The following USP47 variants were observed in gnomAD, a reference collection of about 807,000 sequenced individuals.
The protein encoded by USP47 is ubiquitin specific peptidase 47.
USP47 carries 35 observed loss-of-function variants against 165.1 expected under a neutral mutation model. The ratio of observed to expected loss-of-function variants is 0.21; its 90% CI spans 0.16 to 0.28. The LOEUF is 0.28. Among genes scored for constraint, USP47 ranks in the 10% least tolerant of loss-of-function variants. USP47 has a pLI of 1.00. For missense variants in USP47, 1,277 were observed against 1,607.4 expected (o/e 0.79, Z 3.52); for synonymous variants, 531 against 544.5 (o/e 0.98, Z 0.35).
At chr11:11,853,097 A>ATT (rs202004869) in intron 1 of USP47, among the ~76,000 whole-genome samples, 2 of 149,448 alleles carry the variant, frequency 1.3e-5, no homozygotes, top group Admixed American at 6.7e-5. Context: ...AGATACTGTA[A>ATT]TTTTTTTTTT....
chr11:11,929,597 G>T (rs1854502574), intron 12 of USP47, 32 bp downstream of exon 12: 1 of 1,605,028 alleles, frequency 6.2e-7, no homozygotes, highest in Admixed American at 1.7e-5. Context: ...TTATTACTCT[G>T]AAAGGTGGGA....
chr11:11,868,305 C>T (rs551267189), intron 1 of USP47, among the ~76,000 whole-genome samples: 87 of 152,286 alleles, frequency 5.7e-4, no homozygotes, highest in Middle Eastern at 3.4e-3. Context: ...TCCCTATTCC[C>T]TCTTTAATCC....
chr11:11,950,584 A>G (rs967870385), intron 24 of USP47, 102 bp downstream of exon 24: 22 of 806,916 alleles, frequency 2.7e-5, no homozygotes, highest in African/African-American at 3.5e-5. Flanking sequence ...GGAATCTAAT[A>G]TACATTATAG....
intron 24 of USP47, chr11:11,951,448 T>G (rs938129254): frequency 2.0e-5 from 3 of 152,116 alleles, no homozygotes; most frequent in African/African-American, 4.8e-5. Context: ...CACCTCCCAG[T>G]TTTCGTTATC....
At chr11:11,905,643 T>C (rs936812621) in intron 8 of USP47, 95 bp downstream of exon 8, 1 of 1,238,386 alleles carries the variant, frequency 8.1e-7, no homozygotes, top group Non-Finnish European at 1.1e-6. Context: ...TCATCCTAGA[T>C]ACACCTTCTT....
Position 11,893,549 on chromosome 11 carries a change from A to G in USP47, c.496+1443A>G, listed in dbSNP as rs556329841. Among the ~76,000 whole-genome samples, 5 of 152,056 alleles carry G rather than the reference A, an allele frequency of 3.3e-5. No individual in the cohort carries two copies. In the South Asian group the frequency reaches 8.3e-4, roughly 25 times the overall value. On this transcript the variant is annotated intron_variant, in intron 4 of 27. Transcript: ENST00000527733. The stretch of plus-strand genomic sequence containing the variant: ...ACTCCTAGGCTCAAGCGATCCTCCC[A>G]CCCCAGCCTCCCAAGTAGCTAGGAC...
At chr11:11,932,339 G>C (rs1016521540) in intron 14 of USP47, among the ~76,000 whole-genome samples, 1 of 152,086 alleles carries the variant, frequency 6.6e-6, no homozygotes. Context: ...ATTTGGGCGA[G>C]GACAGATGTC....
intron 5 of USP47, 23 bp from the exon 6 acceptor site, chr11:11,902,687 ATACTT>A (rs1852306841): frequency 7.2e-7 from 1 of 1,379,740 alleles, no homozygotes; most frequent in Non-Finnish European, 9.6e-7. Context: ...CATTTTATAA[ATACTT>A]TATTAACATT....
At chr11:11,932,075 GC>G (rs1854708431) in intron 14 of USP47, among the ~76,000 whole-genome samples, 2 of 152,280 alleles carry the variant, frequency 1.3e-5, no homozygotes, top group Non-Finnish European at 2.9e-5. Flanking sequence ...CATGATGCTA[GC>G]ATCTGCCCAG....
chr11:11,930,013 T>G, intron 12 of USP47, 31 bp from the exon 13 acceptor site: 1 of 1,586,614 alleles, frequency 6.3e-7, no homozygotes, highest in Non-Finnish European at 8.6e-7. Context: ...GTTATAGAAT[T>G]TGCAAAAAAA....
chr11:11,882,013 C>CAAAAA (rs1323835677), intron 2 of USP47, among the ~76,000 whole-genome samples: 6 of 152,088 alleles, frequency 3.9e-5, no homozygotes, highest in African/African-American at 1.2e-4. Flanking sequence ...GTTATTAGAA[C>CAAAAA]AGTATTCTAG....
At chr11:11,871,709 G>T (rs1327741428) in intron 1 of USP47, among the ~76,000 whole-genome samples, 2 of 151,994 alleles carry the variant, frequency 1.3e-5, no homozygotes, top group East Asian at 3.9e-4. Context: ...AGAGTGTCCA[G>T]CTTTCTTCTG....
rs1853719968 is a variant in USP47 at position 11,920,086 on chromosome 11, T to C, written c.970-70T>C. On this transcript the variant is annotated intron_variant, in intron 8 of 27. Transcript: ENST00000527733. ...CTTATAACTTTTAGTAATTACAGTCTTTTTTATTCAGGATTTTGTCATTAA... is the reference window on the plus strand; with the variant it reads ...CTTATAACTTTTAGTAATTACAGTCCTTTTTATTCAGGATTTTGTCATTAA... The C allele has an allele frequency of 5.0e-6, 6 of 1,200,092 alleles. No homozygotes were observed. The South Asian group carries it at 1.4e-4, about 27-fold the overall frequency. 74.3% of individuals were successfully genotyped at this position (1,200,092 alleles called of 1,614,324 possible).
chr11:11,921,483 A>T (rs1185240237), intron 10 of USP47, among the ~76,000 whole-genome samples: 1 of 151,834 alleles, frequency 6.6e-6, no homozygotes, highest in Non-Finnish European at 1.5e-5. Flanking sequence ...TTTGAGCCTC[A>T]TTTCCAGATG....
At chr11:11,880,910 T>C (rs1590289963) in intron 2 of USP47, among the ~76,000 whole-genome samples, 1 of 152,164 alleles carries the variant, frequency 6.6e-6, no homozygotes, top group Admixed American at 6.6e-5. Flanking sequence ...TGTATGAACA[T>C]GTGTAGCTTT....
rs995330385 is a variant in USP47 at position 11,909,312 on chromosome 11, G to A, written c.969+3764G>A. Among the ~76,000 whole-genome samples, 41 of 152,058 alleles carry A rather than the reference G, an allele frequency of 2.7e-4. 1 individual carries two copies. Among genetic ancestry groups the A allele is most frequent in the Admixed American group, 2.5e-3 (38 of 15,270 alleles). On this transcript the variant is annotated intron_variant, in intron 8 of 27. Transcript: ENST00000527733. ...TTTGCTCTTAATGACTTATTAGATA[G>A]TTAGAACCTTCTATGTTCACTGACT... is the stretch of plus-strand genomic sequence containing the variant.
intron 19 of USP47, among the ~76,000 whole-genome samples, chr11:11,942,117 C>T (rs1402460431): frequency 6.6e-6 from 1 of 151,954 alleles, no homozygotes; most frequent in Non-Finnish European, 1.5e-5. Context: ...ATGTCCATAC[C>T]GTCTATCTTA....
In USP47 at chr11:11,958,030, T is replaced by G. The variant is rs1334553764; in HGVS notation, c.*1855T>G. ...CTTTCAGATCACTTAGATTTTCTGATGTAAGAGGACAGCTGTTTGGTTCTG... is the reference window on the plus strand; with the variant it reads ...CTTTCAGATCACTTAGATTTTCTGAGGTAAGAGGACAGCTGTTTGGTTCTG... On this transcript the variant is annotated 3_prime_UTR_variant, in exon 28 of 28. Transcript: ENST00000527733. 1 of 152,252 alleles carries G rather than the reference T, an allele frequency of 6.6e-6. No individual in the cohort carries two copies. 9.4% of individuals were successfully genotyped at this position (152,252 alleles called of 1,614,324 possible).
At chr11:11,878,915 G>A (rs966567803) in intron 1 of USP47, among the ~76,000 whole-genome samples, 3 of 152,096 alleles carry the variant, frequency 2.0e-5, no homozygotes, top group Non-Finnish European at 2.9e-5. Flanking sequence ...GGATAATATA[G>A]AAGCAACAAA....
Sources: gnomAD v4.1 joint callset for allele counts (sites outside exome capture counted in the v4.1 genomes callset) on GRCh38, gnomAD v4.1.1 for gene constraint, MANE v1.5 for transcripts, NCBI Gene and HGNC (gene_info 2026-07-23, HGNC 2026-07-21) for gene names.